The following ANKZF1 variants were observed in gnomAD, a reference collection of about 807,000 sequenced individuals.
ANKZF1 encodes the protein tRNA endonuclease ANKZF1.
Under a neutral mutation model 86.0 loss-of-function variants are expected in ANKZF1, and 84 were observed. The ratio of observed to expected loss-of-function variants is 0.98; its 90% CI spans 0.82 to 1.17. The LOEUF (loss-of-function observed/expected upper bound fraction) is 1.17. ANKZF1 is among the 50% of genes most tolerant of loss of function. The pLI, the probability that ANKZF1 is intolerant of heterozygous loss-of-function variation, is 0.00. For synonymous variants in ANKZF1, 331 were observed against 354.2 expected, an observed-to-expected ratio of 0.93 and a Z score of 0.74; for missense variants, 893 against 918.4, an observed-to-expected ratio of 0.97 and a Z score of 0.36.
At chr2:219,233,679 T>C (rs1232557009) in intron 7 of ANKZF1, 36 bp from the exon 8 acceptor site, 1 of 1,558,600 alleles carries the variant, frequency 6.4e-7, no homozygotes. Flanking sequence ...AAATAGCAAG[T>C]GAAGGTATGC....
At position 219,234,241 on chromosome 2, in the gene ANKZF1, G is replaced by A. The variant is rs1375916380; in HGVS notation, c.1157G>A (p.Arg386Lys). 6.2e-7 allele frequency: 1 copy of A among 1,613,922 alleles called. No homozygotes were observed. The highest frequency in any genetic ancestry group is 8.5e-7 in the Non-Finnish European group (1 of 1,180,052). The change falls in exon 9 of 14, where the codon AGG (arginine) becomes AAG (lysine). Residue 386 changes from arginine to lysine, a missense_variant. Physicochemically the swap from Arg to Lys is conservative, Grantham distance 26 (BLOSUM62 2). Transcript: ENST00000323348. The stretch of plus-strand genomic sequence containing the variant: ...GAGGAAGAAATAAGAAAGATCTGCA[G>A]GGATGAAAAGGAAGCGCTGGGGCAG... ...PTEEEIRKIC[R>K]DEKEALGQNE...
chr2:219,234,138 G>C lies in ANKZF1; in HGVS notation c.1054G>C (p.Asp352His), dbSNP rs764856870. The part of the protein sequence containing the change: ...KLTTLHVYEE[D>H]PREAVRLHSP... ...GATCTTTTCTTTTATGGCAGAAGAA[G>C]ACCCTCGGGAAGCAGTCAGACTGCA... Residue 352 changes from aspartate (D) to histidine (H), a missense_variant, in exon 9 of 14, where the codon GAC (aspartate) becomes CAC (histidine). Asp to His is a moderately conservative substitution (Grantham distance 81). Coordinates refer to ENST00000323348, the MANE Select transcript of ANKZF1 (RefSeq NM_018089.3). 52 of 1,608,268 alleles carry C rather than the reference G, an allele frequency of 3.2e-5. No individual in the cohort carries two copies. Among genetic ancestry groups the C allele is most frequent in the Non-Finnish European group, 4.1e-5 (48 of 1,178,660 alleles).
chr2:219,235,861 A>G lies in ANKZF1; in HGVS notation c.1957A>G (p.Ser653Gly), dbSNP rs771456010. 1 of 1,614,192 alleles carries G rather than the reference A, an allele frequency of 6.2e-7. No homozygotes were observed. The highest frequency in any genetic ancestry group is 8.5e-7 in the Non-Finnish European group (1 of 1,180,014). The change falls in exon 12 of 14, where the codon AGT (serine) becomes GGT (glycine). Residue 653 changes from serine to glycine, a missense_variant. Ser to Gly is a moderately conservative substitution (Grantham distance 56). Transcript: ENST00000323348. ...REEQRRFAAL[S>G]DREKRALAAE... ...AGAGCAGCGGCGATTTGCCGCCCTC[A>G]GTGACCGAGAGAAGGTGAGGCTGGA...
chr2:219,235,816 C>T lies in ANKZF1; in HGVS notation c.1912C>T (p.Gln638Ter). ...GGAACAGCAGCAGAGGCAGCAGGAG[C>T]AGGAGGAGCGTGAACGAGAAGAGCA... Reference protein sequence around the residue: ...REEQQQRQQEQEEREREEQRR... With the variant: ...REEQQQRQQE The change falls in exon 12 of 14, where the codon CAG becomes TAG. Residue 638 changes from glutamine (Q) to a stop codon, truncating the protein, a stop_gained. Transcript: ENST00000323348. LOFTEE classifies it high-confidence loss of function. The T allele has an allele frequency of 6.2e-7, 1 of 1,613,696 alleles. No individual in the cohort carries two copies. The highest frequency in any genetic ancestry group is 8.5e-7 in the Non-Finnish European group (1 of 1,179,634).
At chr2:219,232,767 C>T (rs933050899) in intron 5 of ANKZF1, 84 bp downstream of exon 5, 8 of 1,401,392 alleles carry the variant, frequency 5.7e-6, no homozygotes, top group African/African-American at 2.9e-5. Context: ...GCATTTCTCC[C>T]TGCTTCTCTT....
At chr2:219,230,120 G>C (rs915986657) in intron 1 of ANKZF1, 108 bp from the exon 2 acceptor site, 2 of 887,070 alleles carry the variant, frequency 2.3e-6, no homozygotes, top group Admixed American at 5.9e-5. Flanking sequence ...AGCAGGATGA[G>C]AGACGAGAAG....
At chr2:219,230,474 AT>A in intron 2 of ANKZF1, 69 bp downstream of exon 2, 2 of 1,510,666 alleles carry the variant, frequency 1.3e-6, no homozygotes, top group Non-Finnish European at 1.8e-6. Context: ...CAGGGAACAC[AT>A]TCTTATTGGT....
chr2:219,235,985 C>T, intron 12 of ANKZF1, 25 bp from the exon 13 acceptor site: 1 of 1,614,190 alleles, frequency 6.2e-7, no homozygotes, highest in Admixed American at 1.7e-5. Context: ...GGGGCCTTGT[C>T]CTTAACACAA....
intron 5 of ANKZF1, 66 bp from the exon 6 acceptor site, chr2:219,233,013 T>C (rs1951087319): frequency 2.2e-6 from 3 of 1,390,506 alleles, no homozygotes; most frequent in Non-Finnish European, 3.1e-6. Flanking sequence ...TTGTGAAAAT[T>C]GGCCCTTAGT....
rs2106468341 is a variant in ANKZF1, at chr2:219,235,789, GA to G, written c.1886del (p.Glu629GlyfsTer70). 2.5e-6 allele frequency: 4 copies of G among 1,614,246 alleles called. No individual in the cohort carries two copies. The East Asian group carries it at 6.7e-5, about 27-fold the overall frequency. ...GCAGAAGGCAGCCCGGCGGCAACGGGAGGAACAGCAGCAGAGGCAGCAGGAG... is the reference window on the plus strand; with the variant it reads ...GCAGAAGGCAGCCCGGCGGCAACGGGGGAACAGCAGCAGAGGCAGCAGGAG... ...REQKAARRQREEQQQRQQEQE... is the reference protein window; with the variant it reads ...REQKAARRQRXEQQQRQQEQE... On this transcript the variant is annotated frameshift_variant, in exon 12 of 14. Transcript: ENST00000323348. LOFTEE classifies it high-confidence loss of function.
rs1951066969 is a variant in ANKZF1, at chr2:219,232,335, CTGGACTT to C, written c.340_346del (p.Asp114LysfsTer39). On this transcript the variant is annotated frameshift_variant, in exon 4 of 14. Transcript: ENST00000323348. LOFTEE classifies it high-confidence loss of function. ...CAAGGACAAGCCTCTCCTGTCTGCC[CTGGACTT>C]TGAAAAGCAGAGCTCCACAGGTGAT... 1.2e-6 allele frequency: 2 copies of C among 1,614,104 alleles called. No individual in the cohort carries two copies. The highest frequency in any genetic ancestry group is 2.2e-5 in the South Asian group (2 of 91,092).
At chr2:219,231,519 C>G (rs983295565) in intron 2 of ANKZF1, 1 of 194,528 alleles carries the variant, frequency 5.1e-6, no homozygotes, top group East Asian at 1.5e-4. Flanking sequence ...CTCAGCCTCC[C>G]AAGTAGCTGG....
At position 219,232,340 on chromosome 2, in the gene ANKZF1, C is replaced by A. The variant is rs772627468; in HGVS notation, c.342C>A (p.Asp114Glu). 31 of 1,614,206 alleles carry A rather than the reference C, an allele frequency of 1.9e-5. 2 individuals are homozygous for A. In the South Asian group the frequency reaches 3.3e-4, roughly 17 times the overall value. Residue 114 changes from aspartate to glutamate, a missense_variant, in exon 4 of 14, where the codon GAC (aspartate) becomes GAA (glutamate). Physicochemically the swap from Asp to Glu is conservative, Grantham distance 45. Transcript: ENST00000323348. ...ACAAGCCTCTCCTGTCTGCCCTGGA[C>A]TTTGAAAAGCAGAGCTCCACAGGTG... The part of the protein sequence containing the change: ...LKDKPLLSAL[D>E]FEKQSSTGDL...
Position 219,230,381 on chromosome 2 carries a change from C to T in ANKZF1, c.124C>T (p.Arg42Trp), listed in dbSNP as rs1308671007. Residue 42 changes from arginine to tryptophan, a missense_variant, in exon 2 of 14, where the codon CGG (arginine) becomes TGG (tryptophan). Arg to Trp is a moderately radical substitution (Grantham distance 101, BLOSUM62 -3). Transcript: ENST00000323348. The part of the protein sequence containing the change: ...VSHAPGEALA[R>W]APRTSCSGSG... ...CCACGCGCCTGGGGAGGCTCTGGCC[C>T]GGGCTCCGCGTACTTCCTGTTCAGG... is the stretch of plus-strand genomic sequence containing the variant. The T allele has an allele frequency of 2.5e-6, 4 of 1,611,354 alleles. No homozygotes were observed. Among genetic ancestry groups the T allele is most frequent in the East Asian group, 2.2e-5 (1 of 44,738 alleles).
At chr2:219,232,988 T>G in intron 5 of ANKZF1, 91 bp from the exon 6 acceptor site, 1 of 1,230,866 alleles carries the variant, frequency 8.1e-7, no homozygotes, top group South Asian at 1.3e-5. Context: ...GTGGTAATAT[T>G]AAATGAGATA....
At chr2:219,231,688 C>T (rs1574844609) in intron 2 of ANKZF1, 1 of 418,478 alleles carries the variant, frequency 2.4e-6, no homozygotes, top group East Asian at 5.0e-5. Context: ...GCCGCTGCAC[C>T]TGGCCAATTT....
In ANKZF1 at chr2:219,236,642, T is replaced by C; in HGVS notation, c.*197T>C. 2.8e-6 allele frequency: 2 copies of C among 718,062 alleles called. No homozygotes were observed. The highest frequency in any genetic ancestry group is 2.2e-6 in the Non-Finnish European group (1 of 462,554). The allele number at this position is 718,062 out of a possible 1,614,324, so 44.5% of individuals were successfully genotyped here. ...CTGGAATTTTAATCACAATAAAGTT[T>C]GGCAAGGAATGTGTACTTGTACTTA... On this transcript the variant is annotated 3_prime_UTR_variant, in exon 14 of 14. Transcript: ENST00000323348.
In ANKZF1 at chr2:219,235,040, G is replaced by A. The variant is rs1337678263; in HGVS notation, c.1419G>A (p.Gln473=). Residue 473 remains glutamine (Q), a synonymous_variant, in exon 10 of 14, where the codon CAG becomes CAA. Coordinates refer to ENST00000323348, the MANE Select transcript of ANKZF1 (RefSeq NM_018089.3). ...AGGAGCCTTCCACACAGTCATCCCA[G>A]GCAGTTGCTGCCCCCTTGGGCCCTT... ...QEEEPSTQSS[Q]AVAAPLGPLL... The A allele has an allele frequency of 6.2e-7, 1 of 1,614,256 alleles. No individual in the cohort carries two copies.
chr2:219,235,621 G>T (rs568135596), intron 11 of ANKZF1, 36 bp downstream of exon 11: 1 of 1,613,110 alleles, frequency 6.2e-7, no homozygotes, highest in South Asian at 1.1e-5. Context: ...AGAGTGGGAA[G>T]GCATCACAGA....
Sources: allele counts gnomAD v4.1 joint callset, GRCh38; gene constraint gnomAD v4.1.1; transcripts MANE v1.5; gene names NCBI Gene and HGNC (gene_info 2026-07-23, HGNC 2026-07-21).